MCC: variants seen among roughly 807,000 people sequenced by gnomAD.
MCC encodes the protein colorectal mutant cancer protein.
A neutral mutation model predicts 116.2 loss-of-function variants in MCC; 90 were observed. The ratio of observed to expected loss-of-function variants is 0.77; its 90% CI spans 0.65 to 0.92. MCC has a LOEUF of 0.92. MCC is among the 40% of genes least tolerant of loss of function. MCC has a pLI of 0.00. For synonymous variants in MCC, 578 were observed against 510.5 expected, an observed-to-expected ratio of 1.13 and a Z score of -1.78; for missense variants, 1,516 against 1,312.2, an observed-to-expected ratio of 1.16 and a Z score of -2.40.
intron 3 of MCC, among the ~76,000 whole-genome samples, chr5:113,303,569 G>A (rs1766912775): frequency 6.6e-6 from 1 of 152,236 alleles, no homozygotes; most frequent in Non-Finnish European, 1.5e-5. Context: ...GGGACCTTGA[G>A]AGAATCAATG....
intron 3 of MCC, among the ~76,000 whole-genome samples, chr5:113,158,060 C>T (rs1024954107): frequency 6.6e-5 from 10 of 152,148 alleles, no homozygotes; most frequent in South Asian, 2.1e-4. Context: ...TTCCCCAGGT[C>T]GGACAAAGCA....
intron 3 of MCC, among the ~76,000 whole-genome samples, chr5:113,282,995 T>A (rs771471433): frequency 6.6e-6 from 1 of 152,232 alleles, no homozygotes; most frequent in Non-Finnish European, 1.5e-5. Flanking sequence ...CTTAACTCTG[T>A]GCCTGCCTGA....
At chr5:113,483,698 A>G in intron 1 of MCC, among the ~76,000 whole-genome samples, 1 of 152,208 alleles carries the variant, frequency 6.6e-6, no homozygotes, top group East Asian at 1.9e-4. Flanking sequence ...CTAGGTATAT[A>G]CTCAAAGGAA....
intron 3 of MCC, among the ~76,000 whole-genome samples, chr5:113,295,767 A>G (rs1019954161): frequency 6.6e-6 from 1 of 152,160 alleles, no homozygotes; most frequent in Admixed American, 6.5e-5. Context: ...CCACAAACTT[A>G]AAGTTCCAAT....
In MCC at chr5:113,022,938, T is replaced by C. The variant is rs1356064910; in HGVS notation, c.*4364A>G. 3 of 152,234 alleles carry C rather than the reference T, an allele frequency of 2.0e-5. No homozygotes were observed. Among genetic ancestry groups the C allele is most frequent in the Non-Finnish European group, 4.4e-5 (3 of 68,040 alleles). The allele number at this position is 152,234 out of a possible 1,614,324, so 9.4% of individuals were successfully genotyped here. ...TGTGATAAACAAACAGTTTACCCAG[T>C]GTAACCTTTAAGCAAAAATGTATGG... On this transcript the variant is annotated 3_prime_UTR_variant, in exon 19 of 19. Transcript: ENST00000408903.
rs532080638 is a variant in MCC, at chr5:113,110,806, T to A, written c.1028-6451A>T. Among the ~76,000 whole-genome samples the A allele has an allele frequency of 6.6e-5, 10 of 152,356 alleles. No individual in the cohort carries two copies. In the South Asian group the frequency reaches 8.3e-4, roughly 13 times the overall value. Reference sequence around the variant, plus strand: ...ATGGTGTCTGGCATGGCCTTTTTTTTATTTTTAAAACAGTTTTTGAGTTAA... The same window carrying A: ...ATGGTGTCTGGCATGGCCTTTTTTTAATTTTTAAAACAGTTTTTGAGTTAA... On this transcript the variant is annotated intron_variant, in intron 6 of 18. Coordinates refer to ENST00000408903, the MANE Select transcript of MCC (RefSeq NM_001085377.2).
intron 1 of MCC, among the ~76,000 whole-genome samples, chr5:113,424,815 C>A (rs1364362248): frequency 6.6e-6 from 1 of 150,610 alleles, no homozygotes; most frequent in Non-Finnish European, 1.5e-5. Context: ...TTTTAATATA[C>A]AAATTGAAAA....
rs577081495 is a variant in MCC at position 113,110,976 on chromosome 5, G to A, written c.1028-6621C>T. The stretch of plus-strand genomic sequence containing the variant: ...CAGGACTCAGCACGCCCAACCCACA[G>A]TGCTCCTCTGCTCTGCCCGCCTCCA... On this transcript the variant is annotated intron_variant, in intron 6 of 18. Coordinates refer to ENST00000408903, the MANE Select transcript of MCC (RefSeq NM_001085377.2). Among the ~76,000 whole-genome samples the A allele has an allele frequency of 1.2e-4, 19 of 152,240 alleles. No homozygotes were observed. The East Asian group carries it at 3.7e-3, about 29-fold the overall frequency.
At chr5:113,424,988 G>A (rs887743958) in intron 1 of MCC, among the ~76,000 whole-genome samples, 30 of 152,072 alleles carry the variant, frequency 2.0e-4, no homozygotes, top group Admixed American at 1.8e-3. Context: ...AAAGAAGACC[G>A]AGGGGAGGAA....
chr5:113,071,752 G>C (rs1409455425), intron 11 of MCC, among the ~76,000 whole-genome samples: 1 of 152,184 alleles, frequency 6.6e-6, no homozygotes, highest in East Asian at 1.9e-4. Context: ...TAAGTATCTT[G>C]CCCTGGGATT....
intron 17 of MCC, among the ~76,000 whole-genome samples, chr5:113,029,407 G>A (rs72801299): frequency 0.021 from 3,066 of 148,854 alleles, 41 homozygotes; most frequent in South Asian, 0.037. Flanking sequence ...ACAAACCCCC[G>A]TCTGTCTCCA....
intron 5 of MCC, among the ~76,000 whole-genome samples, chr5:113,139,084 T>A (rs4705792): frequency 0.99 from 151,405 of 152,240 alleles, 75,292 homozygotes; most frequent in Middle Eastern, 1. Flanking sequence ...CCACTACAAC[T>A]ATCCCTAGCA....
Position 113,144,478 on chromosome 5 carries a change from T to C in MCC, c.742-1118A>G, listed in dbSNP as rs954609033. On this transcript the variant is annotated intron_variant, in intron 4 of 18. Transcript: ENST00000408903. ...CATATGTGCTTTCCAGCGTTGCAGGTTGGCATCTCCAGTGAGAGTAGGACT... is the reference window on the plus strand; with the variant it reads ...CATATGTGCTTTCCAGCGTTGCAGGCTGGCATCTCCAGTGAGAGTAGGACT... 7.9e-5 allele frequency among the ~76,000 whole-genome samples: 12 copies of C among 152,342 alleles called. 1 individual carries two copies. The highest frequency in any genetic ancestry group is 2.9e-4 in the African/African-American group (12 of 41,578).
At chr5:113,147,334 T>C (rs563558455) in intron 4 of MCC, among the ~76,000 whole-genome samples, 1 of 152,188 alleles carries the variant, frequency 6.6e-6, no homozygotes, top group East Asian at 1.9e-4. Context: ...GCCTGAGAAC[T>C]TGAGCCCCTG....
intron 3 of MCC, among the ~76,000 whole-genome samples, chr5:113,220,114 G>A (rs1229828039): frequency 1.6e-5 from 1 of 61,960 alleles, no homozygotes; most frequent in African/African-American, 2.8e-5. Flanking sequence ...CTGGAGTGCA[G>A]TGGCGCAATC....
intron 1 of MCC, among the ~76,000 whole-genome samples, chr5:113,481,958 A>T (rs1349816048): frequency 2.6e-5 from 4 of 152,212 alleles, no homozygotes; most frequent in Non-Finnish European, 5.9e-5. Flanking sequence ...AAACCTGAGT[A>T]ATCACTAATC....
At chr5:113,277,646 A>G (rs1385586579) in intron 3 of MCC, among the ~76,000 whole-genome samples, 1 of 152,210 alleles carries the variant, frequency 6.6e-6, no homozygotes, top group Non-Finnish European at 1.5e-5. Flanking sequence ...CTATACACAC[A>G]TGTATTATAT....
chr5:113,137,422 C>T (rs928150905), intron 5 of MCC, among the ~76,000 whole-genome samples: 6 of 152,130 alleles, frequency 3.9e-5, no homozygotes, highest in African/African-American at 1.4e-4. Flanking sequence ...GGATGGTTAT[C>T]AAATGCTTTT....
At chr5:113,138,111 G>A (rs1581139218) in intron 5 of MCC, among the ~76,000 whole-genome samples, 2 of 152,032 alleles carry the variant, frequency 1.3e-5, no homozygotes, top group East Asian at 3.8e-4. Context: ...CCACCTCCTG[G>A]GTTCAAGTGA....
Sources: gnomAD v4.1 joint callset for allele counts (sites outside exome capture counted in the v4.1 genomes callset) on GRCh38, gnomAD v4.1.1 for gene constraint, MANE v1.5 for transcripts, NCBI Gene and HGNC (gene_info 2026-07-23, HGNC 2026-07-21) for gene names.